FBXL17: variants seen among roughly 807,000 people sequenced by gnomAD.
FBXL17 encodes F-box and leucine rich repeat protein 17.
Under a neutral mutation model 66.2 loss-of-function variants are expected in FBXL17, and 22 were observed. The observed-to-expected ratio is 0.33, with a 90% CI of 0.24 to 0.47. The LOEUF (loss-of-function observed/expected upper bound fraction) is 0.47, where lower values mean the gene tolerates loss of function less well. FBXL17 is among the 20% of genes least tolerant of loss of function. FBXL17 has a pLI of 1.00. For missense variants in FBXL17, 878 were observed against 948.2 expected, an observed-to-expected ratio of 0.93 and a Z score of 0.97; for synonymous variants, 474 against 400.5, an observed-to-expected ratio of 1.18 and a Z score of -2.19.
chr5:108,376,617 T>C (rs893366565), intron 1 of FBXL17, among the ~76,000 whole-genome samples: 1 of 152,216 alleles, frequency 6.6e-6, no homozygotes, highest in Non-Finnish European at 1.5e-5. Flanking sequence ...ATGTTTATAA[T>C]AGCAGTTTGA....
chr5:107,868,499 C>T (rs1212893581), intron 8 of FBXL17, among the ~76,000 whole-genome samples: 2 of 152,214 alleles, frequency 1.3e-5, no homozygotes, highest in East Asian at 3.8e-4. Context: ...TGACCACGGG[C>T]CTTTGGATAG....
chr5:108,202,695 A>C (rs890053567), intron 5 of FBXL17, among the ~76,000 whole-genome samples: 19 of 152,192 alleles, frequency 1.2e-4, no homozygotes, highest in African/African-American at 2.4e-5. Flanking sequence ...GGAGTGGGAC[A>C]GTGCAAGATT....
chr5:107,969,369 A>G (rs1045659186), intron 7 of FBXL17, among the ~76,000 whole-genome samples: 10 of 152,168 alleles, frequency 6.6e-5, no homozygotes, highest in Non-Finnish European at 2.9e-5. Context: ...ATTTTAGAAA[A>G]GTTTCCAGAA....
At chr5:108,178,129 A>T (rs1419881437) in intron 6 of FBXL17, among the ~76,000 whole-genome samples, 1 of 151,786 alleles carries the variant, frequency 6.6e-6, no homozygotes, top group Non-Finnish European at 1.5e-5. Flanking sequence ...AGTCTCAAGC[A>T]ATCTTCCCAG....
intron 6 of FBXL17, among the ~76,000 whole-genome samples, chr5:108,137,806 G>A (rs895185577): frequency 1.3e-5 from 2 of 152,096 alleles, no homozygotes; most frequent in African/African-American, 4.8e-5. Context: ...AACCTCAAAT[G>A]TTGGGATAAA....
chr5:108,369,908 A>T (rs1009406383), intron 1 of FBXL17, among the ~76,000 whole-genome samples: 1 of 152,224 alleles, frequency 6.6e-6, no homozygotes, highest in East Asian at 1.9e-4. Context: ...AGAAAGATTA[A>T]TAAAAACAAG....
At chr5:107,927,529 A>G (rs887186052) in intron 7 of FBXL17, among the ~76,000 whole-genome samples, 4 of 152,120 alleles carry the variant, frequency 2.6e-5, no homozygotes, top group African/African-American at 9.6e-5. Context: ...CAAATGTAAA[A>G]ACCAAAACAT....
intron 6 of FBXL17, among the ~76,000 whole-genome samples, chr5:108,115,552 C>G (rs1293392516): frequency 2.0e-5 from 3 of 150,696 alleles, no homozygotes; most frequent in African/African-American, 7.3e-5. Context: ...TAGAAGTGGT[C>G]GTCAACACTC....
intron 7 of FBXL17, among the ~76,000 whole-genome samples, chr5:107,955,209 TAGG>T (rs1374776302): frequency 6.6e-6 from 1 of 152,008 alleles, no homozygotes; most frequent in Non-Finnish European, 1.5e-5. Flanking sequence ...TAACATTAAC[TAGG>T]AGTAAGTACT....
At chr5:108,310,387 GCTGCTTTA>G (rs2150196970) in intron 4 of FBXL17, among the ~76,000 whole-genome samples, 1 of 152,182 alleles carries the variant, frequency 6.6e-6, no homozygotes, top group East Asian at 1.9e-4. Context: ...TACTCTAAGA[GCTGCTTTA>G]CTCGAAAAAA....
intron 4 of FBXL17, among the ~76,000 whole-genome samples, chr5:108,244,057 A>G (rs1296511639): frequency 6.6e-6 from 1 of 152,038 alleles, no homozygotes; most frequent in Non-Finnish European, 1.5e-5. Context: ...TTTCCTACCT[A>G]TGTAACTTTG....
chr5:108,090,670 G>A (rs184861643), intron 6 of FBXL17, among the ~76,000 whole-genome samples: 2 of 152,076 alleles, frequency 1.3e-5, no homozygotes, highest in Non-Finnish European at 2.9e-5. Flanking sequence ...TTCATATCAT[G>A]ATAAGTTATC....
In FBXL17 at chr5:108,064,823, C is replaced by G. The variant is rs763920084; in HGVS notation, c.1746-43822G>C. 5.3e-5 allele frequency among the ~76,000 whole-genome samples: 8 copies of G among 152,236 alleles called. No individual in the cohort carries two copies. In the South Asian group the frequency reaches 8.3e-4, roughly 16 times the overall value. Reference sequence around the variant, plus strand: ...TTCCTAGGCTAAACAGTTAGGACAGCCTTCCTGCAGCTTCCTTCCAGCAGA... The same window carrying G: ...TTCCTAGGCTAAACAGTTAGGACAGGCTTCCTGCAGCTTCCTTCCAGCAGA... On this transcript the variant is annotated intron_variant, in intron 6 of 8. Transcript: ENST00000542267.
intron 7 of FBXL17, among the ~76,000 whole-genome samples, chr5:107,929,316 T>C (rs1288212829): frequency 1.3e-5 from 2 of 152,186 alleles, no homozygotes; most frequent in East Asian, 3.8e-4. Context: ...CTGATGCTTC[T>C]TTCCTACTCT....
chr5:108,261,355 A>C (rs73781307), intron 4 of FBXL17, among the ~76,000 whole-genome samples: 9,951 of 152,124 alleles, frequency 0.065, 1,090 homozygotes, highest in African/African-American at 0.23. Flanking sequence ...CTCAGAATGG[A>C]AAAATTAATA....
intron 6 of FBXL17, among the ~76,000 whole-genome samples, chr5:108,147,676 T>C (rs1421243978): frequency 6.6e-6 from 1 of 152,164 alleles, no homozygotes; most frequent in Admixed American, 6.5e-5. Context: ...TGACAAATGA[T>C]GAACACCAAT....
chr5:108,278,905 A>C (rs1757592080), intron 4 of FBXL17, among the ~76,000 whole-genome samples: 1 of 152,202 alleles, frequency 6.6e-6, no homozygotes, highest in East Asian at 1.9e-4. Flanking sequence ...TCCTTTGACA[A>C]GACAGGGTAA....
intron 4 of FBXL17, among the ~76,000 whole-genome samples, chr5:108,322,199 G>T (rs1759651179): frequency 6.6e-6 from 1 of 151,916 alleles, no homozygotes; most frequent in Admixed American, 6.6e-5. Flanking sequence ...TCCTGAGACT[G>T]TCTCCTACAA....
intron 4 of FBXL17, among the ~76,000 whole-genome samples, chr5:108,300,269 C>G (rs934689344): frequency 6.6e-6 from 1 of 151,912 alleles, no homozygotes; most frequent in African/African-American, 2.4e-5. Flanking sequence ...ATCTATCCTT[C>G]AATATTCAAC....
Sources: allele counts gnomAD v4.1 joint callset (sites outside exome capture counted in the v4.1 genomes callset), GRCh38; gene constraint gnomAD v4.1.1; transcripts MANE v1.5; gene names NCBI Gene and HGNC (gene_info 2026-07-23, HGNC 2026-07-21).